Variants in TMEM135 observed in about 807,000 individuals in gnomAD.
The protein encoded by TMEM135 is peroxisomal membrane protein 52.
A neutral mutation model predicts 60.3 loss-of-function variants in TMEM135; 30 were observed. The observed-to-expected ratio is 0.50, with a 90% CI of 0.37 to 0.68. TMEM135 has a LOEUF of 0.68. TMEM135 is among the 30% of genes least tolerant of loss of function. TMEM135 has a pLI of 0.00. For synonymous variants in TMEM135, 190 were observed against 186.7 expected (o/e 1.02, Z -0.14); for missense variants, 468 against 548.8 (o/e 0.85, Z 1.47).
chr11:87,268,834 A>C (rs1941805289), intron 6 of TMEM135, among the ~76,000 whole-genome samples: 1 of 152,126 alleles, frequency 6.6e-6, no homozygotes, highest in Non-Finnish European at 1.5e-5. Context: ...GCTGGATTTC[A>C]GCTGTTTGAG....
At chr11:87,313,316 T>C (rs1942671629) in intron 10 of TMEM135, 109 bp from the exon 11 acceptor site, 4 of 841,216 alleles carry the variant, frequency 4.8e-6, no homozygotes, top group South Asian at 1.5e-5. Context: ...AGATCACTAA[T>C]TGGCCTGCAA....
chr11:87,165,752 G>A (rs1939021811), intron 5 of TMEM135, among the ~76,000 whole-genome samples: 1 of 150,988 alleles, frequency 6.6e-6, no homozygotes, highest in African/African-American at 2.5e-5. Context: ...GAGCAGAACT[G>A]AAGGAAATAG....
At chr11:87,261,224 C>T (rs940684341) in intron 6 of TMEM135, among the ~76,000 whole-genome samples, 2 of 151,942 alleles carry the variant, frequency 1.3e-5, no homozygotes, top group Non-Finnish European at 2.9e-5. Context: ...GTCTCTTTCC[C>T]CTCCCTCTTC....
intron 1 of TMEM135, among the ~76,000 whole-genome samples, chr11:87,058,134 C>T (rs1949911194): frequency 6.6e-6 from 1 of 152,148 alleles, no homozygotes; most frequent in African/African-American, 2.4e-5. Flanking sequence ...AGCCTACTCA[C>T]ATTAGGAAGG....
chr11:87,186,816 C>T (rs538991916), intron 5 of TMEM135, among the ~76,000 whole-genome samples: 16 of 152,168 alleles, frequency 1.1e-4, no homozygotes, highest in Non-Finnish European at 1.9e-4. Context: ...AATTTTTTTA[C>T]TCTGTGATAT....
rs555801165 is a variant in TMEM135, at chr11:87,063,539, T to C, written c.142-4155T>C. ...TTGGTATGTTATTTGTTTAGATTAG[T>C]GCTTCCTAACCTTTTTCATGCTGTA... On this transcript the variant is annotated intron_variant, in intron 1 of 14. Transcript: ENST00000305494. 2.6e-5 allele frequency among the ~76,000 whole-genome samples: 4 copies of C among 152,362 alleles called. No individual in the cohort carries two copies. In the South Asian group the frequency reaches 8.3e-4, roughly 32 times the overall value.
chr11:87,240,840 C>G (rs470149), intron 6 of TMEM135, among the ~76,000 whole-genome samples: 100,141 of 151,920 alleles, frequency 0.66, 33,584 homozygotes, highest in Non-Finnish European at 0.71. Context: ...CTTTCCACAT[C>G]CCTTTGCAAA....
chr11:87,084,124 A>T (rs1397309617), intron 3 of TMEM135, among the ~76,000 whole-genome samples: 2 of 152,224 alleles, frequency 1.3e-5, no homozygotes, highest in African/African-American at 4.8e-5. Context: ...CTTCTGGAAA[A>T]AAAACCCATT....
chr11:87,061,987 T>C (rs1008162206), intron 1 of TMEM135, among the ~76,000 whole-genome samples: 7 of 152,288 alleles, frequency 4.6e-5, no homozygotes, highest in African/African-American at 1.4e-4. Context: ...TGTGAAGATA[T>C]TAACTTATGT....
At position 87,114,439 on chromosome 11, in the gene TMEM135, G is replaced by A. The variant is rs149749442; in HGVS notation, c.396+23044G>A. Among the ~76,000 whole-genome samples, 74 of 152,144 alleles carry A rather than the reference G, an allele frequency of 4.9e-4. No individual in the cohort carries two copies. The East Asian group carries it at 0.011, about 23-fold the overall frequency. On this transcript the variant is annotated intron_variant, in intron 4 of 14. Coordinates refer to ENST00000305494, the MANE Select transcript of TMEM135 (RefSeq NM_022918.4). ...AATGAGAAAAGAAAAACAATTACAA[G>A]CTCCGTAAAAAACAACAAGCTGTAT...
chr11:87,056,666 G>C (rs902855238), intron 1 of TMEM135, among the ~76,000 whole-genome samples: 1 of 152,040 alleles, frequency 6.6e-6, no homozygotes, highest in Non-Finnish European at 1.5e-5. Context: ...CAAATAGTGA[G>C]GCAGTTGTTA....
At chr11:87,122,437 A>ATTTTTTTTTATTTATTTATT (rs765586434) in intron 4 of TMEM135, among the ~76,000 whole-genome samples, 20 of 144,946 alleles carry the variant, frequency 1.4e-4, no homozygotes, top group African/African-American at 2.5e-4. Flanking sequence ...TTTAGTTTTT[A>ATTTTTTTTTATTTATTTATT]TATTTATTTA....
intron 6 of TMEM135, among the ~76,000 whole-genome samples, chr11:87,291,293 T>TGGCC (rs891429561): frequency 1.3e-5 from 2 of 152,168 alleles, no homozygotes; most frequent in African/African-American, 4.8e-5. Context: ...CTTTAATGAG[T>TGGCC]GGCCGTATTA....
chr11:87,285,730 G>A (rs1942152492), intron 6 of TMEM135, among the ~76,000 whole-genome samples: 2 of 152,196 alleles, frequency 1.3e-5, no homozygotes, highest in Admixed American at 1.3e-4. Context: ...CGTGGAAGGG[G>A]ACCCGAGCAG....
chr11:87,132,069 C>T (rs910548188), intron 4 of TMEM135, among the ~76,000 whole-genome samples: 6 of 152,072 alleles, frequency 3.9e-5, no homozygotes, highest in African/African-American at 1.4e-4. Context: ...TCAGGGCTTC[C>T]ACTGATTCTA....
intron 5 of TMEM135, among the ~76,000 whole-genome samples, chr11:87,179,910 C>A (rs1272358562): frequency 6.6e-6 from 1 of 151,848 alleles, no homozygotes; most frequent in Admixed American, 6.6e-5. Flanking sequence ...GGAGATATGA[C>A]TGATACTGGC....
At chr11:87,308,446 T>G (rs1435649493) in intron 9 of TMEM135, among the ~76,000 whole-genome samples, 4 of 152,182 alleles carry the variant, frequency 2.6e-5, no homozygotes, top group Non-Finnish European at 5.9e-5. Context: ...ATTTTGTGTT[T>G]TAATAAGGCA....
chr11:87,078,224 C>T (rs12279443), intron 3 of TMEM135, among the ~76,000 whole-genome samples: 23,629 of 152,172 alleles, frequency 0.16, 1,946 homozygotes, highest in African/African-American at 0.17. Context: ...CCAATTTCTT[C>T]GCATTTTGGC....
At chr11:87,157,044 T>C (rs990955252) in intron 4 of TMEM135, among the ~76,000 whole-genome samples, 1 of 150,898 alleles carries the variant, frequency 6.6e-6, no homozygotes, top group African/African-American at 2.4e-5. Flanking sequence ...TCTAGTTGCG[T>C]TGCATTTCTT....
Sources: gnomAD v4.1 joint callset for allele counts (sites outside exome capture counted in the v4.1 genomes callset) on GRCh38, gnomAD v4.1.1 for gene constraint, MANE v1.5 for transcripts, NCBI Gene and HGNC (gene_info 2026-07-23, HGNC 2026-07-21) for gene names.